Variants in KIF7 observed in about 807,000 individuals in gnomAD.
KIF7 encodes the protein kinesin family member 7.
KIF7 carries 104 observed loss-of-function variants against 135.7 expected under a neutral mutation model. That is an observed-to-expected ratio of 0.77 (90% confidence interval 0.65 to 0.90). The LOEUF (loss-of-function observed/expected upper bound fraction) is 0.90. Ranked by LOEUF, KIF7 falls within the 40% of genes least tolerant of loss-of-function variation. KIF7 has a pLI of 0.00. For missense variants in KIF7, 2,005 were observed against 1,839.1 expected, an observed-to-expected ratio of 1.09 and a Z score of -1.65; for synonymous variants, 883 against 809.4, an observed-to-expected ratio of 1.09 and a Z score of -1.54.
chr15:89,645,531 G>A, intron 8 of KIF7, 80 bp from the exon 9 acceptor site: 1 of 1,129,484 alleles, frequency 8.9e-7, no homozygotes, highest in Non-Finnish European at 1.3e-6. Context: ...GAGGGAAGAA[G>A]AGAGGCCACC....
chr15:89,652,320 C>G (rs1383297906), intron 2 of KIF7, among the ~76,000 whole-genome samples: 1 of 152,114 alleles, frequency 6.6e-6, no homozygotes, highest in South Asian at 2.1e-4. Flanking sequence ...GCCACCTTCC[C>G]GTGCCCTTCC....
At chr15:89,623,887 C>G, downstream of KIF7, 1 of 1,614,012 alleles carries the variant, frequency 6.2e-7, no homozygotes, top group Non-Finnish European at 8.5e-7. Context: ...AACGAAGACA[C>G]CAAGAACTCC....
Position 89,652,867 on chromosome 15 carries a change from C to G in KIF7, c.64G>C (p.Val22Leu), listed in dbSNP as rs1462866186. ...AGCTCCTTGGGCAGCAGTGGTCGAA[C>G]TCGCAGGGCAACCCGCACTGGGGCC... is the stretch of plus-strand genomic sequence containing the variant. ...EEAPVRVALR[V>L]RPLLPKELLH... Residue 22 changes from valine (V) to leucine (L), a missense_variant, in exon 2 of 19, where the codon GTT becomes CTT. Transcript: ENST00000394412. 1 of 1,546,250 alleles carries G rather than the reference C, an allele frequency of 6.5e-7. No homozygotes were observed. Among genetic ancestry groups the G allele is most frequent in the South Asian group, 1.2e-5 (1 of 83,900 alleles).
In KIF7 at chr15:89,628,673, G is replaced by A. The variant is rs140562404; in HGVS notation, c.3778C>T (p.Arg1260Cys). Residue 1260 changes from arginine to cysteine, a missense_variant, in exon 19 of 19, where the codon CGC (arginine) becomes TGC (cysteine). Physicochemically the swap from Arg to Cys is radical, Grantham distance 180. Transcript: ENST00000394412. Reference sequence around the variant, plus strand: ...AAGTCCCGCGTCTCCTCCCGGGTGCGGGGGGCCCCCTCAGTGAGGGGGGAC... The same window carrying A: ...AAGTCCCGCGTCTCCTCCCGGGTGCAGGGGGCCCCCTCAGTGAGGGGGGAC... ...WLSPLTEGAP[R>C]TREETRDLVH... The A allele has an allele frequency of 5.6e-5, 90 of 1,612,832 alleles. No homozygotes were observed. The highest frequency in any genetic ancestry group is 7.0e-5 in the Non-Finnish European group (82 of 1,179,850).
chr15:89,642,858 C>T (rs949252850), intron 10 of KIF7, among the ~76,000 whole-genome samples: 1 of 152,198 alleles, frequency 6.6e-6, no homozygotes, highest in Admixed American at 6.5e-5. Context: ...CGTGAGCCAC[C>T]GCGCCCAGCC....
At chr15:89,655,154 C>G (rs2142040714) in intron 1 of KIF7, among the ~76,000 whole-genome samples, 1 of 152,344 alleles carries the variant, frequency 6.6e-6, no homozygotes, top group Middle Eastern at 3.4e-3. Context: ...TGGCGCTCGC[C>G]CCTCCACGCA....
chr15:89,645,074 GA>G lies in KIF7; in HGVS notation c.2129del (p.Ile710ThrfsTer10). The stretch of plus-strand genomic sequence containing the variant: ...TGCGGATGTTGATAGCCAGCTCCCG[GA>G]TCTTCTGCTGGGCCTGGGCCAGCCG... ...EWRLAQAQQK[I>X]RELAINIRMK... is the part of the protein sequence containing the mutation. On this transcript the variant is annotated frameshift_variant, in exon 10 of 19. Transcript: ENST00000394412. LOFTEE classifies it high-confidence loss of function. 6.2e-7 allele frequency: 1 copy of G among 1,605,360 alleles called. No homozygotes were observed. The highest frequency in any genetic ancestry group is 8.5e-7 in the Non-Finnish European group (1 of 1,179,976).
chr15:89,659,466 A>C (rs968246961), upstream of KIF7, among the ~76,000 whole-genome samples: 10 of 150,642 alleles, frequency 6.6e-5, no homozygotes, highest in Admixed American at 2.0e-4. Context: ...AAAGAAAGAA[A>C]AAAGAAAGAA....
Position 89,641,325 on chromosome 15 carries a change from C to T in KIF7, c.2394+878G>A, listed in dbSNP as rs559015195. On this transcript the variant is annotated intron_variant, in intron 11 of 18. Transcript: ENST00000394412. The stretch of plus-strand genomic sequence containing the variant: ...AAACCAGACCTGTAGACACCTTGAG[C>T]TCGGACTGACAGCCTCCAGAGCTGG... Among the ~76,000 whole-genome samples the T allele has an allele frequency of 3.3e-5, 5 of 152,232 alleles. No individual in the cohort carries two copies. The East Asian group carries it at 9.7e-4, about 29-fold the overall frequency.
In KIF7 at chr15:89,632,814, C is replaced by T. The variant is rs781025699; in HGVS notation, c.2895+6G>A. 1.9e-5 allele frequency: 30 copies of T among 1,602,078 alleles called. No homozygotes were observed. Among genetic ancestry groups the T allele is most frequent in the Non-Finnish European group, 2.5e-5 (29 of 1,178,836 alleles). ...CCTGGCAGGATCTCTCCTGGCAGGG[C>T]CTCACCTGGCTGGATCTCAGGCGCT... On this transcript the variant is annotated splice_donor_region_variant and intron_variant, in intron 14 of 18. Transcript: ENST00000394412.
chr15:89,642,238 G>A lies in KIF7; in HGVS notation c.2359C>T (p.Arg787Cys), dbSNP rs762787424. 5.0e-6 allele frequency: 8 copies of A among 1,610,290 alleles called. No homozygotes were observed. The highest frequency in any genetic ancestry group is 2.7e-5 in the African/African-American group (2 of 74,842). The change falls in exon 11 of 19, where the codon CGC becomes TGC. Residue 787 changes from arginine (R) to cysteine (C), a missense_variant. Coordinates refer to ENST00000394412, the MANE Select transcript of KIF7 (RefSeq NM_198525.3). ...AGERSRLQEF[R>C]RRVAAAQSQV... is the part of the protein sequence containing the mutation. Reference sequence around the variant, plus strand: ...CTCTGGGCCGCAGCGACCCTCCTGCGGAACTCCTGGAGCCGAGACCGCTCG... The same window carrying A: ...CTCTGGGCCGCAGCGACCCTCCTGCAGAACTCCTGGAGCCGAGACCGCTCG...
chr15:89,622,681 C>T (rs944705698), intron 1 of KIF7, among the ~76,000 whole-genome samples: 5 of 152,214 alleles, frequency 3.3e-5, no homozygotes, highest in Non-Finnish European at 7.3e-5. Context: ...GTGGTCTGTT[C>T]CCTCTGGCCT....
intron 3 of KIF7, among the ~76,000 whole-genome samples, 169 bp downstream of exon 3, chr15:89,649,572 A>G (rs1236839444): frequency 6.6e-6 from 1 of 152,116 alleles, no homozygotes; most frequent in Non-Finnish European, 1.5e-5. Context: ...CACTCTGGGT[A>G]TAGAAGCATG....
intron 11 of KIF7, among the ~76,000 whole-genome samples, chr15:89,634,307 A>G (rs1177304785): frequency 2.0e-5 from 3 of 152,184 alleles, no homozygotes; most frequent in Non-Finnish European, 4.4e-5. Flanking sequence ...TCAAAAAATA[A>G]TAACAGGACA....
chr15:89,644,818 A>T (rs1022465075), intron 10 of KIF7, among the ~76,000 whole-genome samples, 195 bp downstream of exon 10: 3 of 152,224 alleles, frequency 2.0e-5, no homozygotes, highest in Non-Finnish European at 4.4e-5. Context: ...TTAGAGATGA[A>T]AAAACTGAGG....
At chr15:89,633,298 T>C (rs754485076) in intron 12 of KIF7, 32 bp from the exon 13 acceptor site, 66 of 1,543,112 alleles carry the variant, frequency 4.3e-5, no homozygotes, top group Non-Finnish European at 5.5e-5. Flanking sequence ...CAGGGCTGTT[T>C]ATGGTGCCAG....
intron 8 of KIF7, 129 bp from the exon 9 acceptor site, chr15:89,645,580 G>A: frequency 1.2e-6 from 1 of 816,998 alleles, no homozygotes; most frequent in Non-Finnish European, 2.0e-6. Flanking sequence ...AACCCAGGAT[G>A]TGAGTCTGGC....
At chr15:89,657,425 T>G (rs77425768), upstream of KIF7, among the ~76,000 whole-genome samples, 3,937 of 152,240 alleles carry the variant, frequency 0.026, 72 homozygotes, top group Non-Finnish European at 0.039. Context: ...TTTAAAGAAT[T>G]TCATGATGGT....
At chr15:89,626,991 G>T (rs1348542700), downstream of KIF7, 1 of 1,614,102 alleles carries the variant, frequency 6.2e-7, no homozygotes, top group East Asian at 2.2e-5. Flanking sequence ...CACTGTAGAA[G>T]ACTCTCCTTT....
Sources: gnomAD v4.1 joint callset for allele counts (sites outside exome capture counted in the v4.1 genomes callset) on GRCh38, gnomAD v4.1.1 for gene constraint, MANE v1.5 for transcripts, NCBI Gene and HGNC (gene_info 2026-07-23, HGNC 2026-07-21) for gene names.